Variants in CREB5 observed in about 807,000 individuals in gnomAD.
CREB5 encodes the protein cAMP responsive element binding protein 5, also known as cyclic AMP-responsive element-binding protein 5.
CREB5 carries 19 observed loss-of-function variants against 57.1 expected under a neutral mutation model. That is an observed-to-expected ratio of 0.33 (90% confidence interval 0.23 to 0.49). CREB5 has a LOEUF of 0.49. CREB5 is among the 20% of genes least tolerant of loss of function. The pLI, the probability that CREB5 is intolerant of heterozygous loss-of-function variation, is 0.99. For missense variants in CREB5, 579 were observed against 671.6 expected (o/e 0.86, Z 1.52); for synonymous variants, 238 against 238.3 (o/e 1.00, Z 0.01).
chr7:28,535,679 A>G (rs748575673), intron 4 of CREB5, among the ~76,000 whole-genome samples: 3 of 152,180 alleles, frequency 2.0e-5, no homozygotes, highest in Non-Finnish European at 4.4e-5. Context: ...AAGGGCAAGA[A>G]GGAAGGAAGG....
chr7:28,568,695 C>T (rs190788694), intron 4 of CREB5, among the ~76,000 whole-genome samples: 229 of 152,274 alleles, frequency 1.5e-3, no homozygotes, highest in African/African-American at 4.6e-3. Context: ...GGTCCCACAA[C>T]GACACAGTAG....
intron 1 of CREB5, among the ~76,000 whole-genome samples, chr7:28,395,801 CT>C (rs71555740): frequency 6.0e-5 from 9 of 149,240 alleles, no homozygotes; most frequent in South Asian, 2.1e-4. Context: ...TTCTTTCTTT[CT>C]TTTTTTTTTC....
At chr7:28,746,994 TC>T in intron 7 of CREB5, among the ~76,000 whole-genome samples, 1 of 152,214 alleles carries the variant, frequency 6.6e-6, no homozygotes, top group South Asian at 2.1e-4. Context: ...ATTCTTTTCT[TC>T]CCCCTCAAGA....
chr7:28,338,690 A>G (rs150506944), intron 1 of CREB5, among the ~76,000 whole-genome samples: 1 of 151,994 alleles, frequency 6.6e-6, no homozygotes, highest in African/African-American at 2.4e-5. Flanking sequence ...CTCTGTTATT[A>G]TTGCTTTGAA....
At chr7:28,339,576 C>G (rs1459915785) in intron 1 of CREB5, among the ~76,000 whole-genome samples, 2 of 152,298 alleles carry the variant, frequency 1.3e-5, no homozygotes, top group East Asian at 3.9e-4. Context: ...GCTGTGCTGG[C>G]TTAGACCTGA....
At chr7:28,713,147 G>C (rs568621039) in intron 5 of CREB5, among the ~76,000 whole-genome samples, 12 of 152,176 alleles carry the variant, frequency 7.9e-5, no homozygotes, top group South Asian at 4.2e-4. Flanking sequence ...TGACCTCCCA[G>C]GCTCAAGCAA....
rs571160253 is a variant in CREB5, at chr7:28,526,295, T to A, written c.291+18558T>A. On this transcript the variant is annotated intron_variant, in intron 4 of 10. Transcript: ENST00000357727. ...GCTTTACAACCTAGGCAATGCAGTA[T>A]GCCCAGTATTTATTTTTAGGAAGGT... 4.0e-4 allele frequency among the ~76,000 whole-genome samples: 61 copies of A among 152,358 alleles called. 2 individuals carry two copies. The highest frequency in any genetic ancestry group is 1.4e-3 in the African/African-American group (57 of 41,584).
intron 1 of CREB5, among the ~76,000 whole-genome samples, chr7:28,428,915 G>A (rs759199289): frequency 6.6e-6 from 1 of 152,120 alleles, no homozygotes; most frequent in African/African-American, 2.4e-5. Flanking sequence ...TGCCCCTTCT[G>A]CCTAGACCAT....
At chr7:28,502,667 T>A (rs1313896160) in intron 3 of CREB5, among the ~76,000 whole-genome samples, 1 of 152,242 alleles carries the variant, frequency 6.6e-6, no homozygotes, top group East Asian at 1.9e-4. Context: ...CACTATCAGT[T>A]TCATGCCATA....
At chr7:28,754,617 C>G (rs1805183959) in intron 7 of CREB5, among the ~76,000 whole-genome samples, 1 of 152,202 alleles carries the variant, frequency 6.6e-6, no homozygotes, top group Non-Finnish European at 1.5e-5. Context: ...ATTTTACCTA[C>G]ATTTCCTACT....
chr7:28,730,887 C>T (rs908474341), intron 7 of CREB5, among the ~76,000 whole-genome samples: 7 of 152,108 alleles, frequency 4.6e-5, no homozygotes, highest in African/African-American at 1.7e-4. Flanking sequence ...CCCTGGCGTT[C>T]CCATGGTAAC....
chr7:28,818,505 G>T (rs6462106), intron 10 of CREB5, among the ~76,000 whole-genome samples: 105,323 of 152,086 alleles, frequency 0.69, 36,842 homozygotes, highest in Non-Finnish European at 0.73. Context: ...CCTAGCAGTC[G>T]CCTTCAGAAA....
chr7:28,361,122 A>G (rs1424114547), intron 1 of CREB5, among the ~76,000 whole-genome samples: 1 of 152,204 alleles, frequency 6.6e-6, no homozygotes, highest in Non-Finnish European at 1.5e-5. Context: ...CAGCTAAAAA[A>G]AAACTTACTG....
intron 5 of CREB5, among the ~76,000 whole-genome samples, chr7:28,600,915 T>C (rs1226338186): frequency 1.3e-5 from 2 of 152,184 alleles, no homozygotes; most frequent in African/African-American, 4.8e-5. Flanking sequence ...TGTGACAGCC[T>C]CTTTGGCTTC....
chr7:28,448,577 T>A (rs1789616357), intron 1 of CREB5, among the ~76,000 whole-genome samples: 1 of 152,204 alleles, frequency 6.6e-6, no homozygotes, highest in Non-Finnish European at 1.5e-5. Flanking sequence ...TCTTCATATG[T>A]TCTCTGAAGG....
chr7:28,540,081 C>A (rs946051323), intron 4 of CREB5, among the ~76,000 whole-genome samples: 14 of 152,124 alleles, frequency 9.2e-5, no homozygotes, highest in African/African-American at 3.4e-4. Flanking sequence ...AAGACTTTAG[C>A]ATATTTTATA....
intron 5 of CREB5, among the ~76,000 whole-genome samples, chr7:28,586,936 G>A (rs188953478): frequency 6.0e-4 from 91 of 152,314 alleles, no homozygotes; most frequent in African/African-American, 2.0e-3. Context: ...TGTCCTGGCA[G>A]CATCCCACAG....
At chr7:28,524,628 A>G (rs1793360684) in intron 4 of CREB5, among the ~76,000 whole-genome samples, 1 of 152,182 alleles carries the variant, frequency 6.6e-6, no homozygotes, top group Non-Finnish European at 1.5e-5. Flanking sequence ...AAGCAAGAAG[A>G]ATTTTAATTA....
At chr7:28,376,335 C>A (rs912274211) in intron 1 of CREB5, among the ~76,000 whole-genome samples, 28 of 143,902 alleles carry the variant, frequency 1.9e-4, no homozygotes, top group African/African-American at 6.4e-4. Flanking sequence ...GTGGTGCGAT[C>A]TCATCTCATT....
Sources: allele counts gnomAD v4.1 joint callset (sites outside exome capture counted in the v4.1 genomes callset), GRCh38; gene constraint gnomAD v4.1.1; transcripts MANE v1.5; gene names NCBI Gene and HGNC (gene_info 2026-07-23, HGNC 2026-07-21).